STON2: variants seen among roughly 807,000 people sequenced by gnomAD.
STON2 encodes the protein stonin 2.
STON2 carries 29 observed loss-of-function variants against 65.7 expected under a neutral mutation model. That is an observed-to-expected ratio of 0.44 (90% CI 0.33 to 0.60). The LOEUF (loss-of-function observed/expected upper bound fraction) is 0.60, where lower values mean the gene tolerates loss of function less well. Ranked by LOEUF, STON2 falls within the 20% of genes least tolerant of loss-of-function variation. The probability of loss-of-function intolerance (pLI) is 0.03; values close to 1 mark genes in which losing one functional copy is unlikely to be tolerated. For synonymous variants in STON2, 404 were observed against 414.2 expected, an observed-to-expected ratio of 0.98 and a Z score of 0.30; for missense variants, 1,054 against 1,118.1, an observed-to-expected ratio of 0.94 and a Z score of 0.82.
intron 5 of STON2, among the ~76,000 whole-genome samples, chr14:81,308,824 A>ATATATATATATATG (rs1479394128): frequency 9.6e-4 from 10 of 10,442 alleles, no homozygotes; most frequent in African/African-American, 1.9e-3. Context: ...ATATATATAT[A>ATATATATATATATG]TGTGTGTGTG....
chr14:81,265,084 A>T lies in STON2; in HGVS notation c.*3330T>A, dbSNP rs181085148. Reference sequence around the variant, plus strand: ...AAAGATTATTTGTGACCACAAAAAAAAAAAATAAAAAGTCCAGGTCCAGGG... The same window carrying T: ...AAAGATTATTTGTGACCACAAAAAATAAAAATAAAAAGTCCAGGTCCAGGG... On this transcript the variant is annotated 3_prime_UTR_variant, in exon 8 of 8. Transcript: ENST00000614646. 5.2e-4 allele frequency: 516 copies of T among 985,084 alleles called. 2 individuals are homozygous for T. The African/African-American group carries it at 7.0e-3, about 13-fold the overall frequency. 61.0% of individuals were successfully genotyped at this position (985,084 alleles called of 1,614,324 possible).
chr14:81,273,138 C>T (rs995528003), intron 6 of STON2, among the ~76,000 whole-genome samples: 9 of 152,220 alleles, frequency 5.9e-5, no homozygotes, highest in African/African-American at 2.2e-4. Context: ...CCTTTCTACA[C>T]AACTGATTCC....
chr14:81,301,670 G>C (rs1426210789), intron 5 of STON2, among the ~76,000 whole-genome samples: 1 of 152,132 alleles, frequency 6.6e-6, no homozygotes, highest in Non-Finnish European at 1.5e-5. Context: ...CATCTGGTTG[G>C]GATGCCAGCT....
chr14:81,333,323 C>G (rs1897272143), intron 4 of STON2: 1 of 619,498 alleles, frequency 1.6e-6, no homozygotes, highest in African/African-American at 1.8e-5. Flanking sequence ...GTTGGTTGGT[C>G]ATGAACTTTC....
At chr14:81,402,194 A>C (rs1290466781), upstream of STON2, among the ~76,000 whole-genome samples, 1 of 152,162 alleles carries the variant, frequency 6.6e-6, no homozygotes, top group Non-Finnish European at 1.5e-5. Flanking sequence ...CTTAAGGGAG[A>C]TAAGCCTTCC....
intron 4 of STON2, among the ~76,000 whole-genome samples, chr14:81,364,636 G>A (rs936363747): frequency 9.2e-5 from 14 of 151,996 alleles, no homozygotes; most frequent in Non-Finnish European, 5.9e-5. Flanking sequence ...ACATGTATAC[G>A]AATATAAATT....
intron 2 of STON2, among the ~76,000 whole-genome samples, chr14:81,416,823 T>G (rs1901460487): frequency 6.6e-6 from 1 of 152,154 alleles, no homozygotes; most frequent in Admixed American, 6.5e-5. Flanking sequence ...TTTATCTAAT[T>G]TATCAGTAGA....
chr14:81,325,593 TGGTTCA>T (rs1896977507), intron 4 of STON2, among the ~76,000 whole-genome samples: 1 of 152,226 alleles, frequency 6.6e-6, no homozygotes, highest in Non-Finnish European at 1.5e-5. Context: ...CTTATGTATC[TGGTTCA>T]GAAATGTTTA....
At chr14:81,314,014 G>A (rs991847626) in intron 5 of STON2, among the ~76,000 whole-genome samples, 3 of 152,214 alleles carry the variant, frequency 2.0e-5, no homozygotes, top group African/African-American at 7.2e-5. Context: ...AAGAGTTAGG[G>A]AAGAAGTAAG....
intron 5 of STON2, among the ~76,000 whole-genome samples, chr14:81,323,182 G>A (rs984449008): frequency 2.0e-5 from 3 of 152,090 alleles, no homozygotes; most frequent in Non-Finnish European, 4.4e-5. Flanking sequence ...TGCAATCAAC[G>A]GCTTGTGTTT....
intron 4 of STON2, among the ~76,000 whole-genome samples, chr14:81,327,818 A>C (rs1897054370): frequency 6.6e-6 from 1 of 152,194 alleles, no homozygotes; most frequent in Non-Finnish European, 1.5e-5. Context: ...ATAAATAATT[A>C]CTCAGATTTC....
At chr14:81,404,382 G>A (rs1457239139), upstream of STON2, among the ~76,000 whole-genome samples, 1 of 152,084 alleles carries the variant, frequency 6.6e-6, no homozygotes, top group South Asian at 2.1e-4. Context: ...ATGTTAAAAT[G>A]GTATCCTGGA....
intron 5 of STON2, among the ~76,000 whole-genome samples, chr14:81,298,009 C>T (rs1895827413): frequency 6.6e-6 from 1 of 152,134 alleles, no homozygotes; most frequent in Non-Finnish European, 1.5e-5. Context: ...TGCACTCCAG[C>T]CTGGGCAACA....
At position 81,285,612 on chromosome 14, in the gene STON2, T is replaced by G. The variant is rs190546647; in HGVS notation, c.743-6873A>C. Among the ~76,000 whole-genome samples, 1,502 of 152,196 alleles carry G rather than the reference T, an allele frequency of 9.9e-3. 13 individuals carry two copies. The highest frequency in any genetic ancestry group is 0.016 in the Non-Finnish European group (1,082 of 67,984). ...TGATAAAACTTTAATGGATGAGGAG[T>G]TGCATCTTATGGATGAGAAAATAAA... On this transcript the variant is annotated intron_variant, in intron 5 of 7. Transcript: ENST00000614646.
intron 5 of STON2, among the ~76,000 whole-genome samples, chr14:81,301,772 C>T (rs1199140590): frequency 6.6e-6 from 1 of 152,196 alleles, no homozygotes; most frequent in African/African-American, 2.4e-5. Flanking sequence ...GAACTGAGCC[C>T]ATGCAGAGGA....
rs972916022 is a variant in STON2, at chr14:81,327,719, T to C, written c.572-3532A>G. On this transcript the variant is annotated intron_variant, in intron 4 of 7. Transcript: ENST00000614646. ...AGCATACATTTCCCGTTTCTGTTTT[T>C]GGCCACGACATGTTATGTTAGACAA... Among the ~76,000 whole-genome samples, 3 of 152,260 alleles carry C rather than the reference T, an allele frequency of 2.0e-5. No individual in the cohort carries two copies. The East Asian group carries it at 5.8e-4, about 29-fold the overall frequency.
chr14:81,270,930 G>A, intron 6 of STON2, 58 bp from the exon 7 acceptor site: 2 of 1,567,222 alleles, frequency 1.3e-6, no homozygotes, highest in South Asian at 1.2e-5. Context: ...GGAAGGAGCA[G>A]CCAAAGGAGC....
intron 2 of STON2, chr14:81,412,840 G>A (rs1206246161): frequency 2.0e-6 from 1 of 491,322 alleles, no homozygotes; most frequent in Non-Finnish European, 3.4e-6. Flanking sequence ...AAAACTTTCT[G>A]TCAAACATTA....
intron 3 of STON2, among the ~76,000 whole-genome samples, chr14:81,376,022 C>T (rs1219558880): frequency 6.6e-6 from 1 of 151,044 alleles, no homozygotes; most frequent in East Asian, 1.9e-4. Context: ...TTGAATCAAG[C>T]AATAATGAAA....
Sources: gnomAD v4.1 joint callset for allele counts (sites outside exome capture counted in the v4.1 genomes callset) on GRCh38, gnomAD v4.1.1 for gene constraint, MANE v1.5 for transcripts, NCBI Gene and HGNC (gene_info 2026-07-23, HGNC 2026-07-21) for gene names.